The following WDR49 variants were observed in gnomAD, a reference collection of about 807,000 sequenced individuals.
The protein encoded by WDR49 is cilia- and flagella-associated protein 337.
WDR49 carries 107 observed loss-of-function variants against 119.5 expected under a neutral mutation model. The ratio of observed to expected loss-of-function variants is 0.90; its 90% confidence interval spans 0.77 to 1.05. WDR49 has a LOEUF of 1.05. Ranked by LOEUF, WDR49 falls within the 50% of genes least tolerant of loss-of-function variation. WDR49 has a pLI of 0.00. For missense variants in WDR49, 1,240 were observed against 1,220.5 expected (o/e 1.02, Z -0.24); for synonymous variants, 425 against 418.8 (o/e 1.01, Z -0.18).
chr3:167,501,852 C>T (rs1461850546), intron 17 of WDR49, among the ~76,000 whole-genome samples: 1 of 152,144 alleles, frequency 6.6e-6, no homozygotes, highest in African/African-American at 2.4e-5. Context: ...TATTCATCTT[C>T]ATTTCTTAAA....
intron 7 of WDR49, among the ~76,000 whole-genome samples, chr3:167,578,851 G>T (rs919914364): frequency 6.6e-6 from 1 of 151,872 alleles, no homozygotes; most frequent in Non-Finnish European, 1.5e-5. Context: ...TTATTCCCAG[G>T]AACAAATAAC....
chr3:167,635,837 A>G (rs1180712799), intron 2 of WDR49, among the ~76,000 whole-genome samples: 1 of 151,742 alleles, frequency 6.6e-6, no homozygotes, highest in East Asian at 1.9e-4. Flanking sequence ...TAATAAATAC[A>G]TATTAAAGAT....
intron 15 of WDR49, 139 bp downstream of exon 15, chr3:167,527,681 A>T (rs1752684648): frequency 2.4e-6 from 2 of 844,668 alleles, no homozygotes; most frequent in East Asian, 5.4e-5. Context: ...AGTCGCCTGG[A>T]GCTACTGCTT....
Position 167,604,295 on chromosome 3 carries a change from A to T in WDR49, c.1126+6T>A. On this transcript the variant is annotated splice_donor_region_variant and intron_variant, in intron 6 of 18. Coordinates refer to ENST00000682715, the MANE Select transcript of WDR49 (RefSeq NM_001366157.1). ...CCTCATAGTTATCATGATTTATTTTACCTACCAATTAAATTGAGCCGAGAG... is the reference window on the plus strand; with the variant it reads ...CCTCATAGTTATCATGATTTATTTTTCCTACCAATTAAATTGAGCCGAGAG... 1 of 1,613,102 alleles carries T rather than the reference A, an allele frequency of 6.2e-7. No individual in the cohort carries two copies. The highest frequency in any genetic ancestry group is 8.5e-7 in the Non-Finnish European group (1 of 1,179,538).
intron 18 of WDR49, among the ~76,000 whole-genome samples, chr3:167,489,281 G>A (rs896934825): frequency 6.6e-6 from 1 of 152,024 alleles, no homozygotes; most frequent in Non-Finnish European, 1.5e-5. Context: ...GAACTTTCAG[G>A]CATGCAAAGG....
chr3:167,542,656 T>C (rs1184782811), intron 10 of WDR49, among the ~76,000 whole-genome samples: 2 of 152,012 alleles, frequency 1.3e-5, no homozygotes, highest in Non-Finnish European at 2.9e-5. Context: ...GGTAGAAAGT[T>C]CATAGCATTA....
chr3:167,631,683 T>A (rs985258885), intron 2 of WDR49, among the ~76,000 whole-genome samples: 1 of 151,850 alleles, frequency 6.6e-6, no homozygotes, highest in East Asian at 1.9e-4. Context: ...AGCACTAGAG[T>A]CAGCATATTG....
At position 167,478,995 on chromosome 3, in the gene WDR49, A is replaced by G; in HGVS notation, c.3033T>C (p.Thr1011=). The change falls in exon 19 of 19, where the codon ACT becomes ACC. Residue 1011 remains threonine (T), a splice_region_variant and synonymous_variant. Transcript: ENST00000682715. ...QILEAPSLFK[T]LKAVFDEKNL... ...TTTTCTCATCAAATACAGCTTTCAA[A>G]GCTACAAAATGATGAGGAAAATCAC... 1 of 1,588,430 alleles carries G rather than the reference A, an allele frequency of 6.3e-7. No homozygotes were observed. Among genetic ancestry groups the G allele is most frequent in the Non-Finnish European group, 8.6e-7 (1 of 1,166,698 alleles).
At chr3:167,583,798 T>G (rs1406455719) in intron 7 of WDR49, among the ~76,000 whole-genome samples, 1 of 152,154 alleles carries the variant, frequency 6.6e-6, no homozygotes, top group Non-Finnish European at 1.5e-5. Context: ...TTTGCACATT[T>G]CATTATACCC....
intron 7 of WDR49, among the ~76,000 whole-genome samples, chr3:167,595,596 C>T (rs1471328918): frequency 6.6e-6 from 1 of 152,074 alleles, no homozygotes; most frequent in Non-Finnish European, 1.5e-5. Context: ...TTTGACAAAC[C>T]TGAGAAAAAC....
intron 10 of WDR49, among the ~76,000 whole-genome samples, chr3:167,543,285 T>A (rs1411152081): frequency 6.6e-6 from 1 of 152,036 alleles, no homozygotes; most frequent in Non-Finnish European, 1.5e-5. Flanking sequence ...CCCTAAATCA[T>A]TCTATGGAGC....
intron 5 of WDR49, among the ~76,000 whole-genome samples, chr3:167,609,355 C>T (rs1210406344): frequency 6.6e-6 from 1 of 151,976 alleles, no homozygotes; most frequent in Non-Finnish European, 1.5e-5. Flanking sequence ...CCCCTACCAG[C>T]AACTGCGTGG....
At chr3:167,571,274 C>G (rs1274280826) in intron 8 of WDR49, among the ~76,000 whole-genome samples, 1 of 152,100 alleles carries the variant, frequency 6.6e-6, no homozygotes, top group Non-Finnish European at 1.5e-5. Flanking sequence ...CACAGAGAAT[C>G]TCAGGAGATC....
Position 167,567,807 on chromosome 3 carries a change from C to G in WDR49, c.1510-7579G>C, listed in dbSNP as rs113667644. ...GGGGCATTGTCTAATATCAAAAGAA[C>G]TTTAAAAAGCAGTCTCTTACTGGTA... On this transcript the variant is annotated intron_variant, in intron 8 of 18. Coordinates refer to ENST00000682715, the MANE Select transcript of WDR49 (RefSeq NM_001366157.1). 4.2e-3 allele frequency among the ~76,000 whole-genome samples: 632 copies of G among 152,264 alleles called. 1 individual carries two copies. Among genetic ancestry groups the G allele is most frequent in the African/African-American group, 0.014 (601 of 41,564 alleles).
intron 10 of WDR49, among the ~76,000 whole-genome samples, chr3:167,551,524 G>GT (rs1712570743): frequency 6.6e-6 from 1 of 151,968 alleles, no homozygotes; most frequent in African/African-American, 2.4e-5. Flanking sequence ...TTTGCAATTA[G>GT]TCCTACCCAG....
At chr3:167,635,855 A>G (rs780170209) in intron 2 of WDR49, among the ~76,000 whole-genome samples, 2 of 151,774 alleles carry the variant, frequency 1.3e-5, no homozygotes, top group South Asian at 2.1e-4. Context: ...GATGTATACC[A>G]TATAAAACAG....
At chr3:167,648,649 A>G (rs1718235174) in intron 2 of WDR49, among the ~76,000 whole-genome samples, 1 of 152,150 alleles carries the variant, frequency 6.6e-6, no homozygotes, top group African/African-American at 2.4e-5. Flanking sequence ...CCTACTTGCC[A>G]TACGACTTGA....
intron 10 of WDR49, among the ~76,000 whole-genome samples, chr3:167,546,828 T>C (rs1712233579): frequency 6.6e-6 from 1 of 151,900 alleles, no homozygotes; most frequent in Non-Finnish European, 1.5e-5. Flanking sequence ...AACTACTTGT[T>C]CCCTCAGAAG....
intron 3 of WDR49, among the ~76,000 whole-genome samples, chr3:167,623,624 C>A (rs1024589781): frequency 2.7e-5 from 1 of 37,352 alleles, no homozygotes; most frequent in African/African-American, 3.9e-4. Context: ...AAATACATTC[C>A]CCATAAAGAT....
Sources: allele counts gnomAD v4.1 joint callset (sites outside exome capture counted in the v4.1 genomes callset), GRCh38; gene constraint gnomAD v4.1.1; transcripts MANE v1.5; gene names NCBI Gene and HGNC (gene_info 2026-07-23, HGNC 2026-07-21).